Variants in HABP4 observed in about 807,000 individuals in gnomAD.
HABP4 encodes the protein hyaluronan binding protein 4.
HABP4 carries 32 observed loss-of-function variants against 44.1 expected under a neutral mutation model. The observed-to-expected ratio is 0.73, with a 90% confidence interval of 0.55 to 0.97. The LOEUF is 0.97. Among genes scored for constraint, HABP4 ranks in the 50% least tolerant of loss-of-function variants. HABP4 has a pLI of 0.00. For synonymous variants in HABP4, 216 were observed against 218.0 expected, an observed-to-expected ratio of 0.99 and a Z score of 0.08; for missense variants, 503 against 561.9, an observed-to-expected ratio of 0.90 and a Z score of 1.06.
chr9:96,480,195 A>T (rs930972710), intron 5 of HABP4, among the ~76,000 whole-genome samples: 3 of 152,086 alleles, frequency 2.0e-5, no homozygotes, highest in Admixed American at 2.0e-4. Flanking sequence ...AAAACAAAAA[A>T]ACTATCTATC....
intron 2 of HABP4, among the ~76,000 whole-genome samples, chr9:96,460,152 G>A (rs1832475741): frequency 6.6e-6 from 1 of 152,062 alleles, no homozygotes; most frequent in Non-Finnish European, 1.5e-5. Flanking sequence ...ATCTTTATAT[G>A]TGACATGAAA....
intron 4 of HABP4, among the ~76,000 whole-genome samples, chr9:96,467,080 G>A (rs1275229136): frequency 6.6e-6 from 1 of 151,942 alleles, no homozygotes. Context: ...ACGCCACCAT[G>A]CCTGGCTAAT....
intron 1 of HABP4, among the ~76,000 whole-genome samples, chr9:96,455,183 G>T (rs150288870): frequency 6.6e-6 from 1 of 152,254 alleles, no homozygotes; most frequent in East Asian, 1.9e-4. Flanking sequence ...GGGTGCAGTG[G>T]CTTATGTGTG....
chr9:96,488,896 G>T lies in HABP4; in HGVS notation c.1185+622G>T, dbSNP rs1833025068. Among the ~76,000 whole-genome samples the T allele has an allele frequency of 6.6e-6, 1 of 152,182 alleles. No individual in the cohort carries two copies. The highest frequency in any genetic ancestry group is 2.4e-5 in the African/African-American group (1 of 41,426). On this transcript the variant is annotated intron_variant, in intron 7 of 7. Coordinates refer to ENST00000375249, the MANE Select transcript of HABP4 (RefSeq NM_014282.4). The surrounding 1 kb of genome is among the most constrained non-coding windows in gnomAD (Gnocchi z 4.6). ...CTTTTCATTGAAGCCTGATCTCCGT[G>T]TGCGGCTGTATTCTCACTGGTGTGG...
At chr9:96,484,883 G>GGAC (rs1334054616) in intron 6 of HABP4, among the ~76,000 whole-genome samples, 37 of 152,256 alleles carry the variant, frequency 2.4e-4, no homozygotes, top group African/African-American at 8.9e-4. Flanking sequence ...GACTATGCGG[G>GGAC]TACTGTACAC....
At chr9:96,479,800 C>T (rs1052061024) in intron 5 of HABP4, among the ~76,000 whole-genome samples, 3 of 152,104 alleles carry the variant, frequency 2.0e-5, no homozygotes, top group Non-Finnish European at 4.4e-5. Context: ...CAGGAGCCAC[C>T]GTGCCCAGCC....
chr9:96,479,554 G>T (rs529102178), intron 5 of HABP4, among the ~76,000 whole-genome samples: 52 of 151,486 alleles, frequency 3.4e-4, no homozygotes, highest in South Asian at 1.0e-3. Context: ...CTCTTGCCGA[G>T]CCTGGAGTGC....
Position 96,450,199 on chromosome 9 carries a change from G to C in HABP4, c.-81G>C. On this transcript the variant is annotated 5_prime_UTR_variant, in exon 1 of 8. Coordinates refer to ENST00000375249, the MANE Select transcript of HABP4 (RefSeq NM_014282.4). The surrounding 1 kb of genome is among the most constrained non-coding windows in gnomAD (Gnocchi z 4.8). ...CCGGAGGGCGGTGGCGGCGGAGCGGGCGGCATGGGTCCTGGCCGCCGGCTT... is the reference window on the plus strand; with the variant it reads ...CCGGAGGGCGGTGGCGGCGGAGCGGCCGGCATGGGTCCTGGCCGCCGGCTT... The C allele has an allele frequency of 8.2e-7, 1 of 1,216,876 alleles. No homozygotes were observed. The highest frequency in any genetic ancestry group is 1.6e-5 in the African/African-American group (1 of 62,580). The allele number at this position is 1,216,876 out of a possible 1,614,324, so 75.4% of individuals were successfully genotyped here.
At chr9:96,482,511 T>G (rs1006127455) in intron 5 of HABP4, among the ~76,000 whole-genome samples, 2 of 152,228 alleles carry the variant, frequency 1.3e-5, no homozygotes, top group African/African-American at 4.8e-5. Flanking sequence ...GATTTTCAAA[T>G]CTACGATTTT....
intron 1 of HABP4, among the ~76,000 whole-genome samples, chr9:96,452,862 G>C (rs1832309316): frequency 7.3e-6 from 1 of 137,930 alleles, no homozygotes; most frequent in South Asian, 2.4e-4. Context: ...TCATAGAAAT[G>C]TTAATCCTGA....
chr9:96,450,411 G>A lies in HABP4; in HGVS notation c.132G>A (p.Glu44=). ...DESDPFDILR[E]AERRRQQQLQ... is the part of the protein sequence containing the mutation. ...CGGACCCGTTCGACATCCTGCGCGA[G>A]GCCGAGCGCCGGCGCCAGCAGCAGC... The change falls in exon 1 of 8, where the codon GAG becomes GAA. Residue 44 remains glutamate (E), a synonymous_variant. Coordinates refer to ENST00000375249, the MANE Select transcript of HABP4 (RefSeq NM_014282.4). The surrounding 1 kb of genome is among the most constrained non-coding windows in gnomAD (Gnocchi z 4.8). 1 of 836,252 alleles carries A rather than the reference G, an allele frequency of 1.2e-6. No individual in the cohort carries two copies. Among genetic ancestry groups the A allele is most frequent in the Non-Finnish European group, 1.6e-6 (1 of 616,302 alleles). 51.8% of individuals were successfully genotyped at this position (836,252 alleles called of 1,614,324 possible).
rs1833092359 is a variant in HABP4, at chr9:96,491,322, G to T, written c.*1284G>T. On this transcript the variant is annotated 3_prime_UTR_variant, in exon 8 of 8. Coordinates refer to ENST00000375249, the MANE Select transcript of HABP4 (RefSeq NM_014282.4). ...TGGAACCCAAGTGCAAATAAAGGTT[G>T]GTATTCGCTCCTGACTTTGTGTAGA... The T allele has an allele frequency of 1.3e-5, 2 of 152,186 alleles. No homozygotes were observed. The highest frequency in any genetic ancestry group is 2.9e-5 in the Non-Finnish European group (2 of 68,042). The allele number at this position is 152,186 out of a possible 1,614,324, so 9.4% of individuals were successfully genotyped here.
At chr9:96,485,583 C>T (rs1832961474) in intron 6 of HABP4, among the ~76,000 whole-genome samples, 1 of 152,218 alleles carries the variant, frequency 6.6e-6, no homozygotes, top group Non-Finnish European at 1.5e-5. Flanking sequence ...TTACGTCCAG[C>T]TCTTCTCAGA....
intron 4 of HABP4, among the ~76,000 whole-genome samples, chr9:96,469,847 C>A (rs1197200463): frequency 6.6e-6 from 1 of 152,090 alleles, no homozygotes; most frequent in Admixed American, 6.6e-5. Context: ...AATAGCAGAA[C>A]CTGCCAAATT....
At chr9:96,473,293 G>A (rs1272930318) in intron 5 of HABP4, among the ~76,000 whole-genome samples, 1 of 152,012 alleles carries the variant, frequency 6.6e-6, no homozygotes, top group Non-Finnish European at 1.5e-5. Flanking sequence ...CCACACCTCT[G>A]GTCCTCACTC....
At chr9:96,471,316 C>T (rs12115471) in intron 5 of HABP4, among the ~76,000 whole-genome samples, 4,202 of 152,040 alleles carry the variant, frequency 0.028, 208 homozygotes, top group African/African-American at 0.096. Context: ...CTAATTTTTG[C>T]ATTTTTAGTA....
chr9:96,458,276 G>A (rs1275149385), intron 1 of HABP4, 103 bp from the exon 2 acceptor site: 27 of 1,200,558 alleles, frequency 2.2e-5, no homozygotes, highest in South Asian at 1.5e-4. Flanking sequence ...CTCCTATGAC[G>A]TTGATTTCTA....
rs1832263040 is a variant in HABP4 at position 96,450,859 on chromosome 9, C to T, written c.349+231C>T. Among the ~76,000 whole-genome samples the T allele has an allele frequency of 1.3e-5, 2 of 152,252 alleles. No individual in the cohort carries two copies. Among genetic ancestry groups the T allele is most frequent in the African/African-American group, 4.8e-5 (2 of 41,564 alleles). On this transcript the variant is annotated intron_variant, in intron 1 of 7. Coordinates refer to ENST00000375249, the MANE Select transcript of HABP4 (RefSeq NM_014282.4). The surrounding 1 kb of genome is among the most constrained non-coding windows in gnomAD (Gnocchi z 4.8). ...CTTGGGGTGGGATAGGGCCCTCGAA[C>T]CCTGGCACTGAGGCTCTACGGCAAG... is the stretch of plus-strand genomic sequence containing the variant.
intron 1 of HABP4, among the ~76,000 whole-genome samples, chr9:96,454,598 C>T (rs896088514): frequency 2.6e-5 from 4 of 152,026 alleles, no homozygotes; most frequent in African/African-American, 7.2e-5. Flanking sequence ...TACAGACGCC[C>T]GCCACCACGC....
Sources: allele counts gnomAD v4.1 joint callset (sites outside exome capture counted in the v4.1 genomes callset), GRCh38; gene constraint gnomAD v4.1.1; non-coding constraint Gnocchi (gnomAD v3.1); transcripts MANE v1.5; gene names NCBI Gene and HGNC (gene_info 2026-07-23, HGNC 2026-07-21).